ARHGAP11B: variants seen among roughly 807,000 people sequenced by gnomAD.
The protein encoded by ARHGAP11B is Rho GTPase activating protein 11B, also known as inactive Rho GTPase-activating protein 11B.
In ARHGAP11B, 14 loss-of-function variants were observed where a neutral mutation model predicts 27.6. That is an observed-to-expected ratio of 0.51 (90% CI 0.34 to 0.79). The LOEUF is 0.79. Among genes scored for constraint, ARHGAP11B ranks in the 30% least tolerant of loss-of-function variants. The probability of loss-of-function intolerance (pLI) is 0.02; values close to 1 mark genes in which losing one functional copy is unlikely to be tolerated. For missense variants in ARHGAP11B, 245 were observed against 320.1 expected (o/e 0.77, Z 1.79); for synonymous variants, 82 against 114.1 (o/e 0.72, Z 1.80).
At chr15:30,645,446 T>C (rs1213644520) in intron 8 of ARHGAP11B, among the ~76,000 whole-genome samples, 1 of 151,910 alleles carries the variant, frequency 6.6e-6, no homozygotes, top group Non-Finnish European at 1.5e-5. Context: ...TGAAGCAAAA[T>C]ATTAATAGTG....
intron 4 of ARHGAP11B, among the ~76,000 whole-genome samples, 192 bp downstream of exon 4, chr15:30,634,615 T>C (rs1315735447): frequency 2.0e-5 from 3 of 152,048 alleles, no homozygotes; most frequent in Non-Finnish European, 4.4e-5. Flanking sequence ...TATCTTAAAG[T>C]CATCATCATG....
At chr15:30,633,161 T>C (rs1440226539) in intron 2 of ARHGAP11B, among the ~76,000 whole-genome samples, 2 of 148,818 alleles carry the variant, frequency 1.3e-5, no homozygotes, top group Non-Finnish European at 3.0e-5. Flanking sequence ...AATGATTGGA[T>C]AGGGGTGAGT....
exon 11 of ARHGAP11B, among the ~76,000 whole-genome samples, chr15:30,648,355 G>C (rs2060364561): frequency 6.6e-6 from 1 of 151,950 alleles, no homozygotes; most frequent in Non-Finnish European, 1.5e-5. Context: ...GAAGGCTCTG[G>C]GTTCCTGTTG....
chr15:30,629,611 T>C (rs2060232027), intron 1 of ARHGAP11B, among the ~76,000 whole-genome samples: 1 of 152,086 alleles, frequency 6.6e-6, no homozygotes, highest in African/African-American at 2.4e-5. Context: ...GCCCTTACCA[T>C]ACTATACTGT....
intron 1 of ARHGAP11B, among the ~76,000 whole-genome samples, chr15:30,627,566 A>T (rs1158407067): frequency 1.4e-5 from 2 of 147,932 alleles, no homozygotes; most frequent in African/African-American, 2.5e-5. Context: ...TGGGACAGCA[A>T]TTTTTTTTTT....
intron 7 of ARHGAP11B, among the ~76,000 whole-genome samples, chr15:30,639,461 G>C (rs1390559353): frequency 6.6e-6 from 1 of 151,282 alleles, no homozygotes; most frequent in Admixed American, 6.6e-5. Context: ...GAGTGTTTTA[G>C]TTAAACAACA....
intron 7 of ARHGAP11B, among the ~76,000 whole-genome samples, chr15:30,641,319 T>A (rs12438898): frequency 0.14 from 21,111 of 150,952 alleles, 1,703 homozygotes; most frequent in Middle Eastern, 0.17. Flanking sequence ...GTCCATAGAG[T>A]ATCTATTCAT....
intron 9 of ARHGAP11B, among the ~76,000 whole-genome samples, chr15:30,646,488 CTGT>C (rs891952151): frequency 4.0e-5 from 6 of 151,854 alleles, no homozygotes; most frequent in Admixed American, 1.3e-4. Flanking sequence ...TTTGAACTTT[CTGT>C]TGTTGTTGTT....
intron 1 of ARHGAP11B, among the ~76,000 whole-genome samples, chr15:30,630,230 A>G (rs188590449): frequency 1.3e-5 from 2 of 152,274 alleles, no homozygotes; most frequent in African/African-American, 4.8e-5. Flanking sequence ...GGAAGACTCA[A>G]TGAATGACAG....
At position 30,633,536 on chromosome 15, in the gene ARHGAP11B, G is replaced by A. The variant is rs368952454; in HGVS notation, c.247G>A (p.Glu83Lys). 1.2e-5 allele frequency: 19 copies of A among 1,613,254 alleles called. 1 individual carries two copies. Among genetic ancestry groups the A allele is most frequent in the Middle Eastern group, 1.6e-4 (1 of 6,078 alleles). ...ATCTTTAGAAGAACATATTCATACC[G>A]AAGGGCTTTTTCGGAAATCAGGATC... Residue 83 changes from glutamate (E) to lysine (K), a missense_variant, in exon 3 of 11, where the codon GAA becomes AAA. By Grantham distance (56) the Glu-to-Lys change is moderately conservative. Transcript: ENST00000428041.
intron 7 of ARHGAP11B, among the ~76,000 whole-genome samples, chr15:30,643,247 A>G (rs1380430607): frequency 1.4e-5 from 2 of 146,494 alleles, no homozygotes; most frequent in African/African-American, 5.0e-5. Context: ...AATTTCTCAG[A>G]CTTTTCTTGC....
At chr15:30,626,561 A>G in exon 1 of ARHGAP11B, 1 of 523,168 alleles carries the variant, frequency 1.9e-6, no homozygotes, top group East Asian at 3.2e-5. Flanking sequence ...GTGACCAGAA[A>G]GAAGGTCGCT....
chr15:30,644,503 T>A, intron 7 of ARHGAP11B: 1 of 557,146 alleles, frequency 1.8e-6, no homozygotes, highest in East Asian at 2.9e-5. Flanking sequence ...AAGGCATCGT[T>A]CTTATTGTTT....
At chr15:30,648,745 T>C (rs1258650014) in exon 11 of ARHGAP11B, 1 of 151,860 alleles carries the variant, frequency 6.6e-6, no homozygotes, top group African/African-American at 2.4e-5. Flanking sequence ...AAAACGGAGG[T>C]GAAAGGATTT....
At chr15:30,637,449 T>G (rs566036231) in intron 6 of ARHGAP11B, among the ~76,000 whole-genome samples, 8 of 152,222 alleles carry the variant, frequency 5.3e-5, no homozygotes, top group Non-Finnish European at 1.0e-4. Context: ...GTAAGAATCT[T>G]CTTGGCCGGG....
Position 30,643,105 on chromosome 15 carries a change from A to G in ARHGAP11B, c.*79-1534A>G, listed in dbSNP as rs78508208. On this transcript the variant is annotated intron_variant, in intron 7 of 10. Transcript: ENST00000428041. The stretch of plus-strand genomic sequence containing the variant: ...TGAGAATAGTGCTGTTAACTAAACT[A>G]TCAAATTTATTTGAATTTTACCAGT... Among the ~76,000 whole-genome samples the G allele has an allele frequency of 6.7e-3, 1,019 of 152,104 alleles. 15 individuals carry two copies. Among genetic ancestry groups the G allele is most frequent in the African/African-American group, 0.023 (957 of 41,534 alleles).
intron 2 of ARHGAP11B, among the ~76,000 whole-genome samples, chr15:30,632,625 T>C (rs554144149): frequency 4.5e-4 from 68 of 151,282 alleles, no homozygotes; most frequent in African/African-American, 1.5e-3. Flanking sequence ...GTAGCCGATA[T>C]TCATTCTAAT....
At chr15:30,627,034 C>T in intron 1 of ARHGAP11B, 85 bp downstream of exon 1, 1 of 1,573,418 alleles carries the variant, frequency 6.4e-7, no homozygotes, top group Non-Finnish European at 8.6e-7. Flanking sequence ...CTAAAATGTT[C>T]ACTCTGTGTA....
At chr15:30,641,404 C>T (rs1420551824) in intron 7 of ARHGAP11B, 2 of 150,462 alleles carry the variant, frequency 1.3e-5, no homozygotes, top group African/African-American at 4.9e-5. Context: ...GGCACAATCT[C>T]GGCTCACTGC....
Sources: gnomAD v4.1 joint callset for allele counts (sites outside exome capture counted in the v4.1 genomes callset) on GRCh38, gnomAD v4.1.1 for gene constraint, MANE v1.5 for transcripts, NCBI Gene and HGNC (gene_info 2026-07-23, HGNC 2026-07-21) for gene names.